The following CCDC88C variants were observed in gnomAD, a reference collection of about 807,000 sequenced individuals.
CCDC88C encodes coiled-coil and HOOK domain protein 88C.
In CCDC88C, 131 loss-of-function variants were observed where a neutral mutation model predicts 198.8. The observed-to-expected ratio is 0.66, with a 90% CI of 0.57 to 0.76. The LOEUF is 0.76. Among genes scored for constraint, CCDC88C ranks in the 30% least tolerant of loss-of-function variants. The pLI is 0.00. For synonymous variants in CCDC88C, 1,166 were observed against 1,114.7 expected (o/e 1.05, Z -0.92); for missense variants, 2,553 against 2,631.6 (o/e 0.97, Z 0.65).
At chr14:91,328,686 G>A (rs4904764) in intron 10 of CCDC88C, among the ~76,000 whole-genome samples, 83,780 of 152,014 alleles carry the variant, frequency 0.55, 24,947 homozygotes, top group Non-Finnish European at 0.67. Context: ...CTCTCAACCC[G>A]GATTCCTCCT....
chr14:91,359,077 C>A (rs1455475962), intron 4 of CCDC88C, among the ~76,000 whole-genome samples: 1 of 152,028 alleles, frequency 6.6e-6, no homozygotes, highest in Non-Finnish European at 1.5e-5. Flanking sequence ...GGCACCTAAA[C>A]CCAAACTCAT....
chr14:91,369,378 C>T (rs1355612376), intron 3 of CCDC88C, among the ~76,000 whole-genome samples: 3 of 152,046 alleles, frequency 2.0e-5, no homozygotes, highest in Non-Finnish European at 2.9e-5. Context: ...GGCTAATTTT[C>T]GTATTTTTGT....
rs147739768 is a variant in CCDC88C at position 91,290,391 on chromosome 14, T to C, written c.4202+604A>G. ...AGACCTCAAGGGATTTGCAGTGATT[T>C]TGACTTCAAGGCTGGGCCAGGACAA... On this transcript the variant is annotated intron_variant, in intron 24 of 29. Coordinates refer to ENST00000389857, the MANE Select transcript of CCDC88C (RefSeq NM_001080414.4). Among the ~76,000 whole-genome samples, 392 of 152,340 alleles carry C rather than the reference T, an allele frequency of 2.6e-3. 2 individuals carry two copies. Among genetic ancestry groups the C allele is most frequent in the Middle Eastern group, 0.014 (4 of 294 alleles).
Position 91,288,802 on chromosome 14 carries a change from G to A in CCDC88C, c.4441+303C>T. On this transcript the variant is annotated intron_variant, in intron 25 of 29. Coordinates refer to ENST00000389857, the MANE Select transcript of CCDC88C (RefSeq NM_001080414.4). This position sits in a 1 kb window ranked among gnomAD's most constrained non-coding sequence, Gnocchi z 4.2. The stretch of plus-strand genomic sequence containing the variant: ...GCCTATAATCCCAGCTACGTAGGAG[G>A]CTGAGGCAGGAGAATCACTTGAACC... The A allele has an allele frequency of 3.8e-6, 1 of 260,700 alleles. No individual in the cohort carries two copies. Among genetic ancestry groups the A allele is most frequent in the Non-Finnish European group, 7.3e-6 (1 of 136,570 alleles). The allele number at this position is 260,700 out of a possible 1,614,324, so 16.1% of individuals were successfully genotyped here.
intron 3 of CCDC88C, among the ~76,000 whole-genome samples, chr14:91,375,984 AC>A (rs1004001039): frequency 6.6e-6 from 1 of 152,162 alleles, no homozygotes; most frequent in Admixed American, 6.5e-5. Flanking sequence ...GGGGCTGGAA[AC>A]GTAGACCTTC....
Position 91,272,729 on chromosome 14 carries a change from C to T in CCDC88C, c.5983G>A (p.Ala1995Thr). Residue 1995 changes from alanine (A) to threonine (T), a missense_variant, in exon 30 of 30, where the codon GCC becomes ACC. Around this residue, in one of 2 missense-constraint regions of CCDC88C, gnomAD observed 1,293 missense variants for 1,219.6 expected, o/e 1.06. Coordinates refer to ENST00000389857, the MANE Select transcript of CCDC88C (RefSeq NM_001080414.4). ...SPDLAPHLGR[A>T]LEDCSRGSVS... ...CTCCCTCGACTGCAGTCCTCCAGGGCCCGGCCGAGGTGGGGAGCCAAATCG... is the reference window on the plus strand; with the variant it reads ...CTCCCTCGACTGCAGTCCTCCAGGGTCCGGCCGAGGTGGGGAGCCAAATCG... 6.2e-7 allele frequency: 1 copy of T among 1,610,378 alleles called. No homozygotes were observed. Among genetic ancestry groups the T allele is most frequent in the South Asian group, 1.1e-5 (1 of 90,978 alleles).
chr14:91,322,528 A>G (rs950428384), intron 12 of CCDC88C, among the ~76,000 whole-genome samples: 3 of 152,262 alleles, frequency 2.0e-5, no homozygotes, highest in African/African-American at 7.2e-5. Flanking sequence ...AATAAGCTGT[A>G]AATGAAACTA....
chr14:91,296,810 G>C (rs1891027032), intron 22 of CCDC88C, among the ~76,000 whole-genome samples: 1 of 152,160 alleles, frequency 6.6e-6, no homozygotes, highest in South Asian at 2.1e-4. Context: ...ATGTGCTGAG[G>C]TCTGTTAAGA....
intron 25 of CCDC88C, 78 bp downstream of exon 25, chr14:91,289,027 G>C: frequency 1.7e-6 from 2 of 1,200,704 alleles, no homozygotes; most frequent in Non-Finnish European, 2.4e-6. Context: ...TCCTGCACAC[G>C]TGTGCACAGC....
intron 2 of CCDC88C, among the ~76,000 whole-genome samples, chr14:91,414,692 C>CCATT: frequency 6.6e-6 from 1 of 152,198 alleles, no homozygotes; most frequent in African/African-American, 2.4e-5. Flanking sequence ...GGAAAGCCAG[C>CCATT]CATTCAGCCT....
At chr14:91,276,317 A>G (rs1459002995) in intron 29 of CCDC88C, among the ~76,000 whole-genome samples, 1 of 152,204 alleles carries the variant, frequency 6.6e-6, no homozygotes, top group Non-Finnish European at 1.5e-5. Context: ...TTAGACCGCT[A>G]ACTTCTCGAG....
rs1480455705 is a variant in CCDC88C, at chr14:91,271,475, A to G, written c.*1150T>C. On this transcript the variant is annotated 3_prime_UTR_variant, in exon 30 of 30. Transcript: ENST00000389857. ...AGTATATTAAATCAAAAGGAAAAAA[A>G]AATCTTAAAAAAAAAAAATCAATAG... is the stretch of plus-strand genomic sequence containing the variant. 6.6e-6 allele frequency: 1 copy of G among 151,952 alleles called. No individual in the cohort carries two copies. Among genetic ancestry groups the G allele is most frequent in the African/African-American group, 2.4e-5 (1 of 41,386 alleles). The allele number at this position is 151,952 out of a possible 1,614,324, so 9.4% of individuals were successfully genotyped here.
intron 3 of CCDC88C, among the ~76,000 whole-genome samples, chr14:91,395,168 G>A (rs2139988644): frequency 6.6e-6 from 1 of 152,304 alleles, no homozygotes; most frequent in East Asian, 1.9e-4. Context: ...TGCAGATGGT[G>A]AGGCTCTTGG....
Position 91,408,714 on chromosome 14 carries a change from T to A in CCDC88C, c.215A>T (p.Asn72Ile). 6.2e-7 allele frequency: 1 copy of A among 1,613,926 alleles called. No homozygotes were observed. Among genetic ancestry groups the A allele is most frequent in the Non-Finnish European group, 8.5e-7 (1 of 1,179,818 alleles). The change falls in exon 3 of 30, where the codon AAC (asparagine) becomes ATC (isoleucine). Residue 72 changes from asparagine (N) to isoleucine (I), a missense_variant. Around this residue, in one of 2 missense-constraint regions of CCDC88C, gnomAD observed 1,260 missense variants for 1,412.0 expected, o/e 0.89. Transcript: ENST00000389857. ...RINKHVNNDVNLRIQNLTILV... is the reference protein window; with the variant it reads ...RINKHVNNDVILRIQNLTILV... ...GATGGTCAAATTCTGAATGCGAAGGTTCACATCATTGTTGACGTGCTTATT... is the reference window on the plus strand; with the variant it reads ...GATGGTCAAATTCTGAATGCGAAGGATCACATCATTGTTGACGTGCTTATT...
intron 3 of CCDC88C, among the ~76,000 whole-genome samples, chr14:91,395,705 G>A (rs563595253): frequency 3.9e-5 from 6 of 152,098 alleles, no homozygotes; most frequent in African/African-American, 1.4e-4. Flanking sequence ...CCCAGGCCAG[G>A]ATTGCCCAGC....
intron 24 of CCDC88C, among the ~76,000 whole-genome samples, chr14:91,289,840 C>T (rs149787446): frequency 3.9e-5 from 6 of 152,182 alleles, no homozygotes; most frequent in East Asian, 1.9e-4. Flanking sequence ...AGCTGGACAC[C>T]GAGGGCATCC....
In CCDC88C at chr14:91,315,960, G is replaced by A. The variant is rs1892073640; in HGVS notation, c.1528-173C>T. The A allele has an allele frequency of 6.4e-6, 4 of 628,304 alleles. No individual in the cohort carries two copies. In the African/African-American group the frequency reaches 7.4e-5, roughly 12 times the overall value. The allele number at this position is 628,304 out of a possible 1,614,324, so 38.9% of individuals were successfully genotyped here. A position where few individuals can be genotyped will look rare whatever the true frequency, so the allele number is the denominator to read the frequency against. ...CCCACACCACAGCTGTCACTCTTAA[G>A]ACAGAAAGTCACCAGGAAGCAAACC... On this transcript the variant is annotated intron_variant, in intron 13 of 29. Transcript: ENST00000389857.
At chr14:91,354,920 A>G (rs545190237) in intron 4 of CCDC88C, among the ~76,000 whole-genome samples, 1 of 152,366 alleles carries the variant, frequency 6.6e-6, no homozygotes, top group Admixed American at 6.5e-5. Flanking sequence ...AAGGGAAAGC[A>G]GAGCAGAACA....
intron 21 of CCDC88C, among the ~76,000 whole-genome samples, chr14:91,297,819 G>T (rs1261971630): frequency 6.6e-6 from 1 of 152,100 alleles, no homozygotes; most frequent in African/African-American, 2.4e-5. Flanking sequence ...TACAGCTTTG[G>T]TATCTGTGTA....
Sources: allele counts gnomAD v4.1 joint callset (sites outside exome capture counted in the v4.1 genomes callset), GRCh38; gene constraint gnomAD v4.1.1; regional missense constraint gnomAD v4.1.1; non-coding constraint Gnocchi (gnomAD v3.1); transcripts MANE v1.5; gene names NCBI Gene and HGNC (gene_info 2026-07-23, HGNC 2026-07-21).